LRMDA: variants seen among roughly 807,000 people sequenced by gnomAD.
LRMDA encodes the protein leucine-rich melanocyte differentiation-associated protein.
In LRMDA, 18 loss-of-function variants were observed where a neutral mutation model predicts 29.8. The observed-to-expected ratio is 0.60, with a 90% confidence interval of 0.42 to 0.90. The LOEUF (loss-of-function observed/expected upper bound fraction) is 0.90, where lower values mean the gene tolerates loss of function less well. Among genes scored for constraint, LRMDA ranks in the 40% least tolerant of loss-of-function variants. LRMDA has a pLI of 0.00. For missense variants in LRMDA, 273 were observed against 273.9 expected (o/e 1.00, Z 0.02); for synonymous variants, 125 against 109.4 (o/e 1.14, Z -0.89).
chr10:76,418,080 T>C, intron 6 of LRMDA, among the ~76,000 whole-genome samples: 1 of 152,166 alleles, frequency 6.6e-6, no homozygotes, highest in Non-Finnish European at 1.5e-5. Flanking sequence ...TAGTCATGTA[T>C]CAAAACCATA....
chr10:76,085,496 C>G (rs534439119), intron 5 of LRMDA, among the ~76,000 whole-genome samples: 2 of 152,154 alleles, frequency 1.3e-5, no homozygotes, highest in African/African-American at 4.8e-5. Flanking sequence ...CAAGTCTGCT[C>G]GCCCCACACA....
rs114117816 is a variant in LRMDA at position 76,275,532 on chromosome 10, G to A, written c.517-48869G>A. Among the ~76,000 whole-genome samples, 575 of 151,790 alleles carry A rather than the reference G, an allele frequency of 3.8e-3. 6 individuals are homozygous for A. Among genetic ancestry groups the A allele is most frequent in the Middle Eastern group, 0.017 (5 of 294 alleles). On this transcript the variant is annotated intron_variant, in intron 5 of 6. Transcript: ENST00000611255. ...AATTATTTTATTTTATTTTTCATAT[G>A]CATTCACTGTGATTATGTCAAACTG...
chr10:75,743,448 T>G (rs2132212016), intron 2 of LRMDA: 1 of 152,382 alleles, frequency 6.6e-6, no homozygotes, highest in Non-Finnish European at 1.5e-5. Context: ...CTCCTAAGCC[T>G]GCCTTTCTTT....
At chr10:75,760,867 G>T (rs1843085957) in intron 2 of LRMDA, among the ~76,000 whole-genome samples, 1 of 152,244 alleles carries the variant, frequency 6.6e-6, no homozygotes, top group Non-Finnish European at 1.5e-5. Flanking sequence ...GGTAATGAGA[G>T]ATCTGTGTGG....
intron 2 of LRMDA, among the ~76,000 whole-genome samples, chr10:75,852,888 G>C (rs533998057): frequency 2.9e-3 from 268 of 91,106 alleles, no homozygotes; most frequent in Non-Finnish European, 6.3e-3. Context: ...AAGGAAAGAG[G>C]ATTAATTCAC....
chr10:76,505,428 C>T (rs1842949574), intron 6 of LRMDA, among the ~76,000 whole-genome samples: 1 of 151,870 alleles, frequency 6.6e-6, no homozygotes, highest in African/African-American at 2.4e-5. Flanking sequence ...TTTATATAAC[C>T]ATATATTTCT....
At chr10:76,326,997 C>G (rs1210809399) in intron 6 of LRMDA, among the ~76,000 whole-genome samples, 1 of 151,724 alleles carries the variant, frequency 6.6e-6, no homozygotes, top group East Asian at 1.9e-4. Context: ...TGCAATTGTT[C>G]ATATTCTACT....
chr10:75,718,216 C>T (rs1333781905), intron 2 of LRMDA, among the ~76,000 whole-genome samples: 1 of 152,192 alleles, frequency 6.6e-6, no homozygotes, highest in African/African-American at 2.4e-5. Flanking sequence ...ATCATGCTCA[C>T]AGTTTGTGGA....
intron 5 of LRMDA, among the ~76,000 whole-genome samples, chr10:76,149,098 G>T (rs1274204460): frequency 6.6e-6 from 1 of 152,020 alleles, no homozygotes; most frequent in Non-Finnish European, 1.5e-5. Flanking sequence ...CAATTAAGTG[G>T]GTGTAAAGTG....
chr10:75,907,469 G>A (rs1845776213), intron 2 of LRMDA, among the ~76,000 whole-genome samples: 1 of 152,172 alleles, frequency 6.6e-6, no homozygotes. Context: ...ATATTTGGCA[G>A]CTGTTCATGT....
chr10:76,158,953 T>C (rs1482949128), intron 5 of LRMDA, among the ~76,000 whole-genome samples: 1 of 152,134 alleles, frequency 6.6e-6, no homozygotes, highest in Admixed American at 6.6e-5. Context: ...ATGCATTCTA[T>C]TCATGAGATA....
At chr10:75,897,570 A>G (rs976477119) in intron 2 of LRMDA, among the ~76,000 whole-genome samples, 1 of 152,130 alleles carries the variant, frequency 6.6e-6, no homozygotes, top group African/African-American at 2.4e-5. Context: ...AAGGAAACTT[A>G]AGGATTATCT....
At chr10:76,126,594 T>G (rs2132130691) in intron 5 of LRMDA, among the ~76,000 whole-genome samples, 1 of 152,332 alleles carries the variant, frequency 6.6e-6, no homozygotes, top group African/African-American at 2.4e-5. Context: ...ACATCTGGGC[T>G]TCTGTTTCTT....
intron 2 of LRMDA, among the ~76,000 whole-genome samples, chr10:75,627,294 T>C (rs1841263301): frequency 1.3e-5 from 2 of 152,226 alleles, no homozygotes; most frequent in Admixed American, 1.3e-4. Flanking sequence ...AAGGGTTGAA[T>C]TTCCTGAACA....
rs543216486 is a variant in LRMDA, at chr10:75,701,812, A to C, written c.131+263318A>C. Reference sequence around the variant, plus strand: ...GCTCTGGCCACTCTAATAGCCTCCTAGGAGGGGAATTCCCTCAATAACCTT... The same window carrying C: ...GCTCTGGCCACTCTAATAGCCTCCTCGGAGGGGAATTCCCTCAATAACCTT... On this transcript the variant is annotated intron_variant, in intron 2 of 6. Coordinates refer to ENST00000611255, the MANE Select transcript of LRMDA (RefSeq NM_001305581.2). 2.0e-5 allele frequency among the ~76,000 whole-genome samples: 3 copies of C among 152,222 alleles called. No individual in the cohort carries two copies. The South Asian group carries it at 6.2e-4, about 32-fold the overall frequency.
chr10:76,325,679 G>A lies in LRMDA; in HGVS notation c.601+1194G>A, dbSNP rs137887895. ...TTATTGGTTTCTTGTATTTGAATAA[G>A]GGTATTTTTACTTTAGAGTCATTGA... is the stretch of plus-strand genomic sequence containing the variant. On this transcript the variant is annotated intron_variant, in intron 6 of 6. Transcript: ENST00000611255. Among the ~76,000 whole-genome samples, 588 of 152,206 alleles carry A rather than the reference G, an allele frequency of 3.9e-3. 4 individuals carry two copies. Among genetic ancestry groups the A allele is most frequent in the South Asian group, 0.014 (68 of 4,816 alleles).
intron 2 of LRMDA, among the ~76,000 whole-genome samples, chr10:76,000,838 G>A (rs987527309): frequency 6.6e-6 from 1 of 152,284 alleles, no homozygotes; most frequent in Non-Finnish European, 1.5e-5. Flanking sequence ...TAGGCAGGGA[G>A]CAGAATGGAA....
chr10:75,436,686 G>A (rs999125236), intron 1 of LRMDA, among the ~76,000 whole-genome samples: 10 of 151,996 alleles, frequency 6.6e-5, no homozygotes, highest in African/African-American at 2.4e-4. Context: ...AGTCAGGATG[G>A]TGTCGATCCC....
chr10:75,614,786 T>G lies in LRMDA; in HGVS notation c.131+176292T>G, dbSNP rs192916731. 3.0e-3 allele frequency among the ~76,000 whole-genome samples: 459 copies of G among 152,268 alleles called. 6 individuals are homozygous for G. The highest frequency in any genetic ancestry group is 0.01 in the African/African-American group (421 of 41,568). ...TTGTGGATATCAGTGGTGTTTGTTT[T>G]TTTTTTTTCCTTCTCTTTTGGAATC... On this transcript the variant is annotated intron_variant, in intron 2 of 6. Coordinates refer to ENST00000611255, the MANE Select transcript of LRMDA (RefSeq NM_001305581.2).
Sources: gnomAD v4.1 joint callset for allele counts (sites outside exome capture counted in the v4.1 genomes callset) on GRCh38, gnomAD v4.1.1 for gene constraint, MANE v1.5 for transcripts, NCBI Gene and HGNC (gene_info 2026-07-23, HGNC 2026-07-21) for gene names.